The following TYW1 variants were observed in gnomAD, a reference collection of about 807,000 sequenced individuals.
TYW1 encodes S-adenosyl-L-methionine-dependent tRNA 4-demethylwyosine synthase TYW1.
In TYW1, 46 loss-of-function variants were observed where a neutral mutation model predicts 96.2. The ratio of observed to expected loss-of-function variants is 0.48; its 90% CI spans 0.38 to 0.61. TYW1 has a LOEUF of 0.61. TYW1 is among the 20% of genes least tolerant of loss of function. The pLI is 0.00. For missense variants in TYW1, 684 were observed against 909.6 expected, an observed-to-expected ratio of 0.75 and a Z score of 3.19; for synonymous variants, 274 against 323.0, an observed-to-expected ratio of 0.85 and a Z score of 1.63.
chr7:67,010,565 T>A (rs2129239740), intron 4 of TYW1, among the ~76,000 whole-genome samples: 1 of 150,972 alleles, frequency 6.6e-6, no homozygotes, highest in East Asian at 2.0e-4. Context: ...AAGCTCCGCC[T>A]CCCGGGTTCA....
intron 7 of TYW1, among the ~76,000 whole-genome samples, chr7:67,037,930 T>C (rs1027909638): frequency 5.9e-5 from 9 of 152,268 alleles, no homozygotes; most frequent in Non-Finnish European, 8.8e-5. Context: ...ATACATGTCA[T>C]GTGTCCTTAA....
intron 9 of TYW1, among the ~76,000 whole-genome samples, chr7:67,065,717 T>C (rs1248880031): frequency 1.3e-5 from 2 of 151,312 alleles, no homozygotes; most frequent in African/African-American, 4.9e-5. Flanking sequence ...CTAGTAGACA[T>C]TTATGTAATA....
chr7:67,009,363 G>A (rs1228542305), intron 3 of TYW1, among the ~76,000 whole-genome samples: 4 of 152,134 alleles, frequency 2.6e-5, no homozygotes, highest in Non-Finnish European at 5.9e-5. Context: ...TCAGTCCTAT[G>A]TAAACCCTGA....
chr7:67,074,208 C>T (rs1182761770), intron 10 of TYW1, among the ~76,000 whole-genome samples: 1 of 152,112 alleles, frequency 6.6e-6, no homozygotes, highest in African/African-American at 2.4e-5. Context: ...ATTATGTAGA[C>T]TGAAGTATTG....
chr7:67,011,450 G>A (rs1184589355), intron 4 of TYW1, among the ~76,000 whole-genome samples: 5 of 152,258 alleles, frequency 3.3e-5, no homozygotes, highest in Non-Finnish European at 5.9e-5. Context: ...TGGTTCTCAA[G>A]TGTGGCCCCT....
At chr7:67,224,369 C>T (rs539039024) in intron 15 of TYW1, among the ~76,000 whole-genome samples, 3 of 152,308 alleles carry the variant, frequency 2.0e-5, no homozygotes, top group South Asian at 2.1e-4. Flanking sequence ...TCAAGTGATC[C>T]GCCTGCCTTG....
intron 9 of TYW1, among the ~76,000 whole-genome samples, chr7:67,060,362 C>G (rs1584512830): frequency 6.6e-6 from 1 of 152,254 alleles, no homozygotes; most frequent in South Asian, 2.1e-4. Flanking sequence ...GCATGAGCCA[C>G]TGTGCCTGGC....
Position 67,018,019 on chromosome 7 carries a change from G to C in TYW1, c.737G>C (p.Gly246Ala). 6.2e-7 allele frequency: 1 copy of C among 1,614,090 alleles called. No individual in the cohort carries two copies. Among genetic ancestry groups the C allele is most frequent in the Non-Finnish European group, 8.5e-7 (1 of 1,180,014 alleles). Residue 246 changes from glycine (G) to alanine (A), a missense_variant, in exon 6 of 16, where the codon GGG (glycine) becomes GCG (alanine). Transcript: ENST00000359626. ...TCCCAGCTGCAGGCACTTCAGAAAGGGGAGAGAAAGAAGTCCTGTGGCGGC... is the reference window on the plus strand; with the variant it reads ...TCCCAGCTGCAGGCACTTCAGAAAGCGGAGAGAAAGAAGTCCTGTGGCGGC... Reference protein sequence around the residue: ...FISQLQALQKGERKKSCGGHC... With the variant: ...FISQLQALQKAERKKSCGGHC...
chr7:67,029,480 A>C lies in TYW1; in HGVS notation c.984+4458A>C, dbSNP rs577633567. ...TCACTGAAAGACTTTGCATGTTCTG[A>C]CATCGATCTCTGGCACCAAATGGGT... On this transcript the variant is annotated intron_variant, in intron 7 of 15. Coordinates refer to ENST00000359626, the MANE Select transcript of TYW1 (RefSeq NM_018264.4). Among the ~76,000 whole-genome samples the C allele has an allele frequency of 1.1e-4, 16 of 139,580 alleles. No homozygotes were observed. In the South Asian group the frequency reaches 3.6e-3, roughly 32 times the overall value. 91.6% of individuals were successfully genotyped at this position (139,580 alleles called of 152,430 possible).
chr7:67,056,516 CAT>C (rs1469275323), intron 9 of TYW1, among the ~76,000 whole-genome samples: 1 of 150,578 alleles, frequency 6.6e-6, no homozygotes, highest in Non-Finnish European at 1.5e-5. Flanking sequence ...AAAAGAATTT[CAT>C]ATGAGTGGAA....
At chr7:67,095,794 A>G (rs1035508932) in intron 11 of TYW1, among the ~76,000 whole-genome samples, 9 of 152,024 alleles carry the variant, frequency 5.9e-5, no homozygotes, top group South Asian at 4.2e-4. Context: ...ACTGAAGTCA[A>G]TCAGGGTCTG....
chr7:67,151,490 G>T (rs963846316), intron 13 of TYW1, among the ~76,000 whole-genome samples: 2 of 151,868 alleles, frequency 1.3e-5, no homozygotes, highest in Non-Finnish European at 2.9e-5. Context: ...CAATACCTAG[G>T]TCTTTCTTTT....
chr7:67,141,085 G>A (rs1798434647), intron 13 of TYW1, among the ~76,000 whole-genome samples: 1 of 152,048 alleles, frequency 6.6e-6, no homozygotes, highest in African/African-American at 2.4e-5. Flanking sequence ...ATTTTTCTGG[G>A]GAAAAATAGC....
intron 15 of TYW1, among the ~76,000 whole-genome samples, chr7:67,197,314 C>A (rs1351118652): frequency 6.8e-6 from 1 of 147,672 alleles, no homozygotes; most frequent in Admixed American, 7.0e-5. Context: ...TAGGTACTAT[C>A]GAGACCTCTG....
chr7:67,035,789 T>A (rs1165572440), intron 7 of TYW1, among the ~76,000 whole-genome samples: 1 of 152,074 alleles, frequency 6.6e-6, no homozygotes, highest in Non-Finnish European at 1.5e-5. Context: ...GCGATTCTCC[T>A]GCTTTAGCCT....
At chr7:67,091,315 C>T (rs566468184) in intron 11 of TYW1, among the ~76,000 whole-genome samples, 1 of 148,120 alleles carries the variant, frequency 6.8e-6, no homozygotes, top group South Asian at 2.1e-4. Context: ...ATCACAAGGA[C>T]AGAAAACCAA....
intron 3 of TYW1, among the ~76,000 whole-genome samples, chr7:67,004,170 A>G (rs1333010976): frequency 6.6e-6 from 1 of 152,194 alleles, no homozygotes; most frequent in Non-Finnish European, 1.5e-5. Context: ...GACAGCTTTG[A>G]CACTGCCATG....
chr7:67,080,372 A>G (rs1196835523), intron 10 of TYW1, among the ~76,000 whole-genome samples: 1 of 144,284 alleles, frequency 6.9e-6, no homozygotes, highest in East Asian at 2.0e-4. Context: ...AGTCTATTTT[A>G]TCTTATACAA....
chr7:67,005,922 GCAGTT>G (rs1455741772), intron 3 of TYW1, among the ~76,000 whole-genome samples: 1 of 151,946 alleles, frequency 6.6e-6, no homozygotes, highest in African/African-American at 2.4e-5. Context: ...CTGGGCCTTT[GCAGTT>G]CACTGTTCCT....
Sources: allele counts gnomAD v4.1 joint callset (sites outside exome capture counted in the v4.1 genomes callset), GRCh38; gene constraint gnomAD v4.1.1; transcripts MANE v1.5; gene names NCBI Gene and HGNC (gene_info 2026-07-23, HGNC 2026-07-21).